Variants in PTPRD observed in about 807,000 individuals in gnomAD.
PTPRD encodes the protein protein tyrosine phosphatase receptor type D.
PTPRD carries 34 observed loss-of-function variants against 214.5 expected under a neutral mutation model. That is an observed-to-expected ratio of 0.16 (90% CI 0.12 to 0.21). The LOEUF is 0.21. Among genes scored for constraint, PTPRD ranks in the 10% least tolerant of loss-of-function variants. The pLI is 1.00. For synonymous variants in PTPRD, 1,128 were observed against 845.7 expected (o/e 1.33, Z -5.79); for missense variants, 2,545 against 2,398.7 (o/e 1.06, Z -1.27).
chr9:8,816,269 C>CT (rs1220622186), intron 11 of PTPRD, among the ~76,000 whole-genome samples: 2 of 152,134 alleles, frequency 1.3e-5, no homozygotes, highest in African/African-American at 4.8e-5. Flanking sequence ...TCTAGATTCA[C>CT]TTTTTTCTTT....
At chr9:10,081,917 C>A (rs1590628181) in intron 3 of PTPRD, among the ~76,000 whole-genome samples, 1 of 151,998 alleles carries the variant, frequency 6.6e-6, no homozygotes, top group South Asian at 2.1e-4. Flanking sequence ...CAGCATAATA[C>A]AGTCATAACC....
chr9:8,322,626 G>C (rs1206532736), intron 44 of PTPRD, among the ~76,000 whole-genome samples: 4 of 152,214 alleles, frequency 2.6e-5, no homozygotes, highest in Non-Finnish European at 2.9e-5. Flanking sequence ...AAGGAAGGAA[G>C]CCAACCCCAT....
intron 7 of PTPRD, among the ~76,000 whole-genome samples, chr9:9,639,005 C>A (rs2095855956): frequency 6.6e-6 from 1 of 152,164 alleles, no homozygotes; most frequent in South Asian, 2.1e-4. Flanking sequence ...AAAACACCTC[C>A]CAAAAGGCCC....
chr9:9,376,981 A>T (rs1432975246), intron 9 of PTPRD, among the ~76,000 whole-genome samples: 1 of 152,080 alleles, frequency 6.6e-6, no homozygotes, highest in Non-Finnish European at 1.5e-5. Flanking sequence ...TAAAAACTGA[A>T]AATTTTAAGT....
chr9:8,940,280 C>CTTTGTT (rs1555558785), intron 11 of PTPRD, among the ~76,000 whole-genome samples: 115 of 89,048 alleles, frequency 1.3e-3, no homozygotes, highest in African/African-American at 3.8e-3. Context: ...TCTCTCTCTC[C>CTTTGTT]TTTTTTTTTT....
intron 31 of PTPRD, among the ~76,000 whole-genome samples, chr9:8,467,372 T>C (rs1205499860): frequency 1.3e-5 from 2 of 151,852 alleles, no homozygotes; most frequent in Non-Finnish European, 2.9e-5. Flanking sequence ...ATACTGATAA[T>C]TATAACAATA....
At chr9:9,657,438 A>G (rs978523532) in intron 7 of PTPRD, among the ~76,000 whole-genome samples, 1 of 152,018 alleles carries the variant, frequency 6.6e-6, no homozygotes, top group African/African-American at 2.4e-5. Flanking sequence ...AACATCACAC[A>G]CCGGGGGCCT....
At chr9:9,784,217 G>C (rs1455024206) in intron 5 of PTPRD, among the ~76,000 whole-genome samples, 2 of 151,972 alleles carry the variant, frequency 1.3e-5, no homozygotes, top group African/African-American at 4.8e-5. Flanking sequence ...AGGAAGAGCT[G>C]TACAAAGGAT....
chr9:10,453,744 A>C (rs2081630994), intron 2 of PTPRD, among the ~76,000 whole-genome samples: 1 of 151,588 alleles, frequency 6.6e-6, no homozygotes, highest in Non-Finnish European at 1.5e-5. Flanking sequence ...GTCATTTGTA[A>C]ACCAAAACCA....
chr9:9,554,101 T>C (rs147349648), intron 8 of PTPRD, among the ~76,000 whole-genome samples: 2,518 of 152,204 alleles, frequency 0.017, 40 homozygotes, highest in Admixed American at 0.026. Flanking sequence ...CGCTTTCATA[T>C]GACAGTATTT....
At chr9:8,329,700 T>G (rs1204115593) in intron 44 of PTPRD, among the ~76,000 whole-genome samples, 1 of 152,174 alleles carries the variant, frequency 6.6e-6, no homozygotes, top group Non-Finnish European at 1.5e-5. Context: ...GCTGTCTTTC[T>G]TTCAGAGATG....
At chr9:9,565,019 T>A (rs2084074697) in intron 8 of PTPRD, among the ~76,000 whole-genome samples, 1 of 149,820 alleles carries the variant, frequency 6.7e-6, no homozygotes, top group Non-Finnish European at 1.5e-5. Context: ...CAAAATTATC[T>A]CAAGGTCTCC....
chr9:8,846,725 G>A (rs1357819426), intron 11 of PTPRD, among the ~76,000 whole-genome samples: 5 of 152,176 alleles, frequency 3.3e-5, no homozygotes, highest in African/African-American at 1.2e-4. Flanking sequence ...GTGTGTGTGT[G>A]TTAGGGATGG....
At chr9:8,657,151 T>C (rs914261226) in intron 12 of PTPRD, among the ~76,000 whole-genome samples, 5 of 151,254 alleles carry the variant, frequency 3.3e-5, no homozygotes, top group African/African-American at 1.2e-4. Flanking sequence ...TGTCTGTTCA[T>C]GTCTTTTGCC....
At chr9:8,437,297 AT>A in intron 34 of PTPRD, 43 of 1,308,984 alleles carry the variant, frequency 3.3e-5, no homozygotes, top group Middle Eastern at 2.2e-4. Flanking sequence ...TCAAAAAAAA[AT>A]GAAATGGAAA....
At chr9:9,125,974 A>T (rs1207057520) in intron 10 of PTPRD, among the ~76,000 whole-genome samples, 2 of 152,184 alleles carry the variant, frequency 1.3e-5, no homozygotes, top group African/African-American at 4.8e-5. Flanking sequence ...AGTTGTGTTA[A>T]GATGAGTAAG....
At chr9:9,959,415 G>C (rs1379671728) in intron 4 of PTPRD, among the ~76,000 whole-genome samples, 1 of 152,156 alleles carries the variant, frequency 6.6e-6, no homozygotes, top group Non-Finnish European at 1.5e-5. Flanking sequence ...TACTGATATT[G>C]TAATGGTGGA....
intron 11 of PTPRD, among the ~76,000 whole-genome samples, chr9:8,735,747 T>G (rs918151248): frequency 6.6e-6 from 1 of 151,786 alleles, no homozygotes; most frequent in Non-Finnish European, 1.5e-5. Flanking sequence ...CCGTCTCTAC[T>G]AAAAACACAA....
chr9:9,426,964 A>G (rs1410614934), intron 8 of PTPRD, among the ~76,000 whole-genome samples: 1 of 152,200 alleles, frequency 6.6e-6, no homozygotes, highest in Non-Finnish European at 1.5e-5. Context: ...GAAAAAACAG[A>G]GCAGAAAAGA....
Sources: allele counts gnomAD v4.1 joint callset (sites outside exome capture counted in the v4.1 genomes callset), GRCh38; gene constraint gnomAD v4.1.1; transcripts MANE v1.5; gene names NCBI Gene and HGNC (gene_info 2026-07-23, HGNC 2026-07-21).